PITPNM2: variants seen among roughly 807,000 people sequenced by gnomAD.
PITPNM2 encodes phosphatidylinositol transfer protein membrane associated 2, also known as membrane-associated phosphatidylinositol transfer protein 2.
A neutral mutation model predicts 132.2 loss-of-function variants in PITPNM2; 35 were observed. That is an observed-to-expected ratio of 0.26 (90% CI 0.20 to 0.35). The LOEUF is 0.35. PITPNM2 is among the 10% of genes least tolerant of loss of function. The pLI, the probability that PITPNM2 is intolerant of heterozygous loss-of-function variation, is 1.00. For missense variants in PITPNM2, 1,332 were observed against 1,912.0 expected, an observed-to-expected ratio of 0.70 and a Z score of 5.66; for synonymous variants, 738 against 799.2, an observed-to-expected ratio of 0.92 and a Z score of 1.29.
In PITPNM2 at chr12:123,004,171, T is replaced by C. The variant is rs537656578; in HGVS notation, c.1048+223A>G. On this transcript the variant is annotated intron_variant, in intron 8 of 25. Transcript: ENST00000320201. This position sits in a 1 kb window ranked among gnomAD's most constrained non-coding sequence, Gnocchi z 4.9. ...CCCACAGCACATCCTGATATCGGGT[T>C]CTGAGACCCCAGACTCAAGGGAACA... Among the ~76,000 whole-genome samples, 22 of 152,302 alleles carry C rather than the reference T, an allele frequency of 1.4e-4. 1 individual carries two copies. The South Asian group carries it at 3.7e-3, about 26-fold the overall frequency.
Position 123,106,363 on chromosome 12 carries a change from G to A in PITPNM2, c.-96+4022C>T, listed in dbSNP as rs1446802558. On this transcript the variant is annotated intron_variant, in intron 2 of 25. Transcript: ENST00000320201. This position sits in a 1 kb window ranked among gnomAD's most constrained non-coding sequence, Gnocchi z 4.4. ...TGATCACACCACTGCACTCCAGCCT[G>A]GGTGGCAGAGCAAGACTCCATCTCT... is the stretch of plus-strand genomic sequence containing the variant. 6.6e-6 allele frequency among the ~76,000 whole-genome samples: 1 copy of A among 152,078 alleles called. No individual in the cohort carries two copies. Among genetic ancestry groups the A allele is most frequent in the East Asian group, 1.9e-4 (1 of 5,192 alleles).
At chr12:123,007,344 A>G in intron 6 of PITPNM2, 1 of 456,432 alleles carries the variant, frequency 2.2e-6, no homozygotes, top group Non-Finnish European at 4.4e-6. Context: ...GCTAATTTAC[A>G]TTGTTTCTCC....
At chr12:123,131,082 A>C (rs1317698954) in intron 1 of PITPNM2, among the ~76,000 whole-genome samples, 2 of 152,178 alleles carry the variant, frequency 1.3e-5, no homozygotes, top group African/African-American at 4.8e-5. Context: ...TCATTCAACA[A>C]ATATGGAGAT....
chr12:122,988,161 G>T, intron 20 of PITPNM2, 73 bp downstream of exon 20: 1 of 1,342,892 alleles, frequency 7.4e-7, no homozygotes. Flanking sequence ...CTGCAACTCA[G>T]TTTCCTCATC....
In PITPNM2 at chr12:122,986,151, T is replaced by C; in HGVS notation, c.3926A>G (p.Glu1309Gly). 6.5e-7 allele frequency: 1 copy of C among 1,530,986 alleles called. No homozygotes were observed. The highest frequency in any genetic ancestry group is 1.2e-5 in the South Asian group (1 of 83,144). The allele number at this position is 1,530,986 out of a possible 1,614,324, so 94.8% of individuals were successfully genotyped here. A position where few individuals can be genotyped will look rare whatever the true frequency, so the allele number is the denominator to read the frequency against. Residue 1309 changes from glutamate (E) to glycine (G), a missense_variant, in exon 26 of 26, where the codon GAG (glutamate) becomes GGG (glycine). Glu to Gly is a moderately conservative substitution (Grantham distance 98). This residue lies in a region of PITPNM2 where 163 missense variants were observed against 177.2 expected (regional missense o/e 0.92). Coordinates refer to ENST00000320201, the MANE Select transcript of PITPNM2 (RefSeq NM_020845.3). Reference sequence around the variant, plus strand: ...GCCATCCGCCTGGCTCTGTGTCCGCTCGTGCCGGTGGCTGGGCCCGCTGGG... The same window carrying C: ...GCCATCCGCCTGGCTCTGTGTCCGCCCGTGCCGGTGGCTGGGCCCGCTGGG... ...AQPSGPSHRH[E>G]RTQSQADGEQ...
intron 1 of PITPNM2, among the ~76,000 whole-genome samples, chr12:123,124,684 T>C (rs964790406): frequency 6.6e-6 from 1 of 152,320 alleles, no homozygotes; most frequent in African/African-American, 2.4e-5. Flanking sequence ...ACTCGTCATT[T>C]ACATTAGGTA....
At chr12:123,030,890 A>G (rs1431911192) in intron 3 of PITPNM2, among the ~76,000 whole-genome samples, 1 of 152,140 alleles carries the variant, frequency 6.6e-6, no homozygotes, top group East Asian at 1.9e-4. Flanking sequence ...AGCCAGACAC[A>G]AAGAGCAACA....
In PITPNM2 at chr12:123,005,586, G is replaced by A. The variant is rs760171439; in HGVS notation, c.644-38C>T. ...GGGATCAGAGAGGGAGAGACGAGGG[G>A]AGGGAGGTCAGCGCAGGAGCCTGCA... On this transcript the variant is annotated intron_variant, in intron 6 of 25. Coordinates refer to ENST00000320201, the MANE Select transcript of PITPNM2 (RefSeq NM_020845.3). The surrounding 1 kb of genome is among the most constrained non-coding windows in gnomAD (Gnocchi z 6.2). The A allele has an allele frequency of 1.8e-5, 29 of 1,591,668 alleles. No individual in the cohort carries two copies. The highest frequency in any genetic ancestry group is 2.4e-5 in the Non-Finnish European group (28 of 1,167,710).
intron 3 of PITPNM2, chr12:123,034,207 T>C (rs2040193815): frequency 3.1e-6 from 1 of 327,862 alleles, no homozygotes; most frequent in Non-Finnish European, 5.6e-6. Context: ...AACTGAAACA[T>C]AGGAAAACAT....
At chr12:123,135,559 C>A (rs2043361419) in intron 1 of PITPNM2, among the ~76,000 whole-genome samples, 1 of 152,202 alleles carries the variant, frequency 6.6e-6, no homozygotes, top group African/African-American at 2.4e-5. Flanking sequence ...ATTCCACTCT[C>A]TGAGTCTATG....
At chr12:123,138,084 A>C (rs2043421063) in intron 1 of PITPNM2, among the ~76,000 whole-genome samples, 1 of 152,134 alleles carries the variant, frequency 6.6e-6, no homozygotes. Context: ...AAACATCTAA[A>C]CGTCTATCAA....
At chr12:123,072,537 GA>G (rs1289871056) in intron 2 of PITPNM2, among the ~76,000 whole-genome samples, 1 of 152,206 alleles carries the variant, frequency 6.6e-6, no homozygotes, top group Non-Finnish European at 1.5e-5. Context: ...CAGAGTGACA[GA>G]GCATGTTCAA....
rs184701971 is a variant in PITPNM2 at position 123,028,660 on chromosome 12, C to G, written c.78+5853G>C. On this transcript the variant is annotated intron_variant, in intron 3 of 25. Transcript: ENST00000320201. ...ATGTTACTGAGGTATGACTGACATA[C>G]AATAAGCTGTACACATGTAAAGGAG... is the stretch of plus-strand genomic sequence containing the variant. Among the ~76,000 whole-genome samples the G allele has an allele frequency of 2.4e-4, 37 of 152,292 alleles. No individual in the cohort carries two copies. The East Asian group carries it at 6.9e-3, about 29-fold the overall frequency.
At chr12:123,007,533 G>A (rs953690241) in intron 6 of PITPNM2, 8 of 371,290 alleles carry the variant, frequency 2.2e-5, no homozygotes, top group South Asian at 1.6e-4. Flanking sequence ...GGTCTCCTGT[G>A]TACCCTCTTT....
At position 123,036,161 on chromosome 12, in the gene PITPNM2, A is replaced by G. The variant is rs2040260723; in HGVS notation, c.-95-1476T>C. ...CAACTTCCCCAGGGCACGGCTCTCT[A>G]TCGGGCATTGGAGTATCACCCAGGT... On this transcript the variant is annotated intron_variant, in intron 2 of 25. Coordinates refer to ENST00000320201, the MANE Select transcript of PITPNM2 (RefSeq NM_020845.3). This position sits in a 1 kb window ranked among gnomAD's most constrained non-coding sequence, Gnocchi z 4.1. 6.6e-6 allele frequency among the ~76,000 whole-genome samples: 1 copy of G among 152,232 alleles called. No homozygotes were observed. The highest frequency in any genetic ancestry group is 2.4e-5 in the African/African-American group (1 of 41,454).
At chr12:123,021,746 C>A in intron 3 of PITPNM2, 1 of 971,966 alleles carries the variant, frequency 1.0e-6, no homozygotes, top group Non-Finnish European at 1.2e-6. Flanking sequence ...GGGCTTAGAG[C>A]ATAGTTTCTG....
rs547028157 is a variant in PITPNM2, at chr12:123,108,726, A to G, written c.-96+1659T>C. ...TCACAGCAACTGAAAAGAATGAGCA[A>G]TTAGAGAAGATAACAGTCCACGGTG... On this transcript the variant is annotated intron_variant, in intron 2 of 25. Transcript: ENST00000320201. This position sits in a 1 kb window ranked among gnomAD's most constrained non-coding sequence, Gnocchi z 4.4. 1.9e-4 allele frequency among the ~76,000 whole-genome samples: 29 copies of G among 152,328 alleles called. No individual in the cohort carries two copies. The highest frequency in any genetic ancestry group is 1.8e-3 in the Admixed American group (28 of 15,300).
At chr12:123,055,114 G>A (rs2040981200) in intron 2 of PITPNM2, among the ~76,000 whole-genome samples, 1 of 152,070 alleles carries the variant, frequency 6.6e-6, no homozygotes. Context: ...TTACTCCAAG[G>A]TCAAAAAATG....
At chr12:123,101,229 T>C (rs771176648) in intron 2 of PITPNM2, among the ~76,000 whole-genome samples, 3 of 152,232 alleles carry the variant, frequency 2.0e-5, no homozygotes, top group Admixed American at 6.5e-5. Flanking sequence ...CACACACTTA[T>C]GACCTCAAAT....
Sources: gnomAD v4.1 joint callset for allele counts (sites outside exome capture counted in the v4.1 genomes callset) on GRCh38, gnomAD v4.1.1 for gene constraint, gnomAD v4.1.1 regional missense constraint, Gnocchi (gnomAD v3.1) non-coding constraint, MANE v1.5 for transcripts, NCBI Gene and HGNC (gene_info 2026-07-23, HGNC 2026-07-21) for gene names.